EMP1: variants seen among roughly 807,000 people sequenced by gnomAD.
The protein encoded by EMP1 is tumor-associated membrane protein.
In EMP1, 5 loss-of-function variants were observed where a neutral mutation model predicts 15.7. That is an observed-to-expected ratio of 0.32 (90% confidence interval 0.17 to 0.67). The LOEUF is 0.67. Among genes scored for constraint, EMP1 ranks in the 30% least tolerant of loss-of-function variants. EMP1 has a pLI of 0.74. For synonymous variants in EMP1, 78 were observed against 76.7 expected (o/e 1.02, Z -0.09); for missense variants, 166 against 194.2 (o/e 0.85, Z 0.86).
At chr12:13,205,063 CG>C (rs1864099681) in intron 1 of EMP1, among the ~76,000 whole-genome samples, 1 of 152,082 alleles carries the variant, frequency 6.6e-6, no homozygotes, top group African/African-American at 2.4e-5. Flanking sequence ...TCTTTCTAAT[CG>C]GGGAAGGGAT....
At chr12:13,207,500 A>G (rs1864121215) in intron 1 of EMP1, among the ~76,000 whole-genome samples, 2 of 152,224 alleles carry the variant, frequency 1.3e-5, no homozygotes, top group South Asian at 2.1e-4. Context: ...AAGGAGGAAC[A>G]GTGATCAGAA....
In EMP1 at chr12:13,215,567, C is replaced by A. The variant is rs926280318; in HGVS notation, c.*876C>A. ...AGGGTTATGTTTTTAGGATTCCCCTCAATGCAGTCAGTGTTTCTTTTAAGT... is the reference window on the plus strand; with the variant it reads ...AGGGTTATGTTTTTAGGATTCCCCTAAATGCAGTCAGTGTTTCTTTTAAGT... On this transcript the variant is annotated 3_prime_UTR_variant, in exon 5 of 5. Coordinates refer to ENST00000256951, the MANE Select transcript of EMP1 (RefSeq NM_001423.3). 6.6e-6 allele frequency: 1 copy of A among 152,246 alleles called. No homozygotes were observed. The highest frequency in any genetic ancestry group is 2.4e-5 in the African/African-American group (1 of 41,456). 9.4% of individuals were successfully genotyped at this position (152,246 alleles called of 1,614,324 possible).
chr12:13,205,916 A>C (rs1473080713), intron 1 of EMP1, among the ~76,000 whole-genome samples: 2 of 152,166 alleles, frequency 1.3e-5, no homozygotes, highest in African/African-American at 4.8e-5. Flanking sequence ...AGGTGCGTGG[A>C]GCCTCTTTCC....
chr12:13,205,640 G>A (rs1052876493), intron 1 of EMP1, among the ~76,000 whole-genome samples: 3 of 152,038 alleles, frequency 2.0e-5, no homozygotes, highest in African/African-American at 7.2e-5. Flanking sequence ...TATTTATTTG[G>A]TACCTGTCAC....
At chr12:13,197,738 A>G (rs1027896630) in intron 1 of EMP1, among the ~76,000 whole-genome samples, 2 of 152,038 alleles carry the variant, frequency 1.3e-5, no homozygotes, top group Non-Finnish European at 2.9e-5. Context: ...TTGCGCCACT[A>G]CACTCCAGCC....
At chr12:13,203,597 C>T (rs562843830) in intron 1 of EMP1, among the ~76,000 whole-genome samples, 5 of 152,370 alleles carry the variant, frequency 3.3e-5, no homozygotes, top group East Asian at 3.9e-4. Context: ...TTCCCCGGCC[C>T]GAGCCTCTCA....
Position 13,210,585 on chromosome 12 carries a change from A to G in EMP1, c.-42-884A>G, listed in dbSNP as rs74063272. ...AATCCTCCCACCCTGTGATTTATGC[A>G]TTTGCCTGTCTTCTGTATTGAGTCC... On this transcript the variant is annotated intron_variant, in intron 1 of 4. Coordinates refer to ENST00000256951, the MANE Select transcript of EMP1 (RefSeq NM_001423.3). 5.6e-4 allele frequency among the ~76,000 whole-genome samples: 85 copies of G among 152,292 alleles called. 1 individual carries two copies. Among genetic ancestry groups the G allele is most frequent in the African/African-American group, 1.9e-3 (77 of 41,554 alleles).
chr12:13,211,166 AAC>A lies in EMP1; in HGVS notation c.-42-301_-42-300del, dbSNP rs1398982980. Among the ~76,000 whole-genome samples the A allele has an allele frequency of 1.3e-5, 2 of 152,370 alleles. No individual in the cohort carries two copies. Among genetic ancestry groups the A allele is most frequent in the African/African-American group, 4.8e-5 (2 of 41,594 alleles). ...TAAAACACAAACAAAATAAAATACGAACAGTTATCATAAAATGTTCTTGTTCC... is the reference window on the plus strand; with the variant it reads ...TAAAACACAAACAAAATAAAATACGAAGTTATCATAAAATGTTCTTGTTCC... On this transcript the variant is annotated intron_variant, in intron 1 of 4. Transcript: ENST00000256951. This position sits in a 1 kb window ranked among gnomAD's most constrained non-coding sequence, Gnocchi z 4.7.
rs1401375098 is a variant in EMP1, at chr12:13,219,486, C to T, written c.*4795C>T. 1.3e-5 allele frequency: 2 copies of T among 152,224 alleles called. No individual in the cohort carries two copies. The highest frequency in any genetic ancestry group is 2.9e-5 in the Non-Finnish European group (2 of 68,036). The allele number at this position is 152,224 out of a possible 1,614,324, so 9.4% of individuals were successfully genotyped here. On this transcript the variant is annotated 3_prime_UTR_variant, in exon 5 of 5. Coordinates refer to ENST00000256951, the MANE Select transcript of EMP1 (RefSeq NM_001423.3). ...CCTCCAAACTCTTCCAACCTCTACCCGTTACCCAGTTCCAAAGGTGCTTCC... is the reference window on the plus strand; with the variant it reads ...CCTCCAAACTCTTCCAACCTCTACCTGTTACCCAGTTCCAAAGGTGCTTCC...
At chr12:13,212,321 A>G (rs1448735931) in intron 2 of EMP1, among the ~76,000 whole-genome samples, 1 of 152,166 alleles carries the variant, frequency 6.6e-6, no homozygotes, top group African/African-American at 2.4e-5. Flanking sequence ...TTCTCAGAAA[A>G]AAGCCAGCTC....
At chr12:13,207,903 G>A (rs557567138) in intron 1 of EMP1, among the ~76,000 whole-genome samples, 84 of 152,318 alleles carry the variant, frequency 5.5e-4, no homozygotes, top group African/African-American at 1.9e-3. Context: ...TGTTATGAGC[G>A]TTCCCCTACA....
rs1025187474 is a variant in EMP1 at position 13,219,515 on chromosome 12, C to T, written c.*4824C>T. 3 of 152,258 alleles carry T rather than the reference C, an allele frequency of 2.0e-5. No individual in the cohort carries two copies. The highest frequency in any genetic ancestry group is 6.5e-5 in the Admixed American group (1 of 15,284). 9.4% of individuals were successfully genotyped at this position (152,258 alleles called of 1,614,324 possible). On this transcript the variant is annotated 3_prime_UTR_variant, in exon 5 of 5. Coordinates refer to ENST00000256951, the MANE Select transcript of EMP1 (RefSeq NM_001423.3). Reference sequence around the variant, plus strand: ...ACCCAGTTCCAAAGGTGCTTCCACACTTTCAAGTATCTTTATAGCAATGCC... The same window carrying T: ...ACCCAGTTCCAAAGGTGCTTCCACATTTTCAAGTATCTTTATAGCAATGCC...
rs901091388 is a variant in EMP1 at position 13,216,249 on chromosome 12, G to T, written c.*1558G>T. On this transcript the variant is annotated 3_prime_UTR_variant, in exon 5 of 5. Transcript: ENST00000256951. ...ACATCTTGCCTACTTTTCTTTATTA[G>T]CTTTCTCCTCATCCATTTCTTTTAT... is the stretch of plus-strand genomic sequence containing the variant. 20 of 618,550 alleles carry T rather than the reference G, an allele frequency of 3.2e-5. No homozygotes were observed. The highest frequency in any genetic ancestry group is 1.1e-4 in the African/African-American group (6 of 54,100). 38.3% of individuals were successfully genotyped at this position (618,550 alleles called of 1,614,324 possible). A position where few individuals can be genotyped will look rare whatever the true frequency, so the allele number is the denominator to read the frequency against.
chr12:13,204,323 C>A (rs1351771038), intron 1 of EMP1, among the ~76,000 whole-genome samples: 2 of 152,084 alleles, frequency 1.3e-5, no homozygotes, highest in Non-Finnish European at 2.9e-5. Flanking sequence ...TATAAAACAA[C>A]AATAACAGTG....
rs767762153 is a variant in EMP1 at position 13,214,665 on chromosome 12, C to A, written c.448C>A (p.Leu150Ile). Residue 150 changes from leucine (L) to isoleucine (I), a missense_variant, in exon 5 of 5, where the codon CTC becomes ATC. Physicochemically the swap from Leu to Ile is conservative, Grantham distance 5. Coordinates refer to ENST00000256951, the MANE Select transcript of EMP1 (RefSeq NM_001423.3). ...CFCFSFIIGV[L>I]YLVLRKK ...CTGCTTCAGCTTCATCATCGGCGTT[C>A]TCTATCTGGTCCTGAGAAAGAAATA... is the stretch of plus-strand genomic sequence containing the variant. 6.2e-7 allele frequency: 1 copy of A among 1,613,442 alleles called. No homozygotes were observed. The highest frequency in any genetic ancestry group is 2.2e-5 in the East Asian group (1 of 44,840).
intron 1 of EMP1, among the ~76,000 whole-genome samples, chr12:13,202,332 C>T (rs140359758): frequency 3.1e-4 from 47 of 152,318 alleles, no homozygotes; most frequent in Admixed American, 5.2e-4. Flanking sequence ...ATGTGCCCAC[C>T]AGGCTGGAAC....
chr12:13,199,359 C>G (rs529017187), intron 1 of EMP1: 44 of 152,404 alleles, frequency 2.9e-4, no homozygotes, highest in African/African-American at 1.0e-3. Flanking sequence ...ACCCTCTTGG[C>G]TTGCTCTGGG....
chr12:13,199,960 TCTTC>T (rs369147480), intron 1 of EMP1, among the ~76,000 whole-genome samples: 9,277 of 143,136 alleles, frequency 0.065, 383 homozygotes, highest in East Asian at 0.21. Flanking sequence ...TTCTTCTTCT[TCTTC>T]TTTTTTTTTT....
intron 1 of EMP1, among the ~76,000 whole-genome samples, chr12:13,206,097 A>C (rs905625517): frequency 2.0e-5 from 3 of 152,174 alleles, no homozygotes; most frequent in African/African-American, 7.2e-5. Context: ...ACTGGACAGT[A>C]GCAATGGGAA....
Sources: gnomAD v4.1 joint callset for allele counts (sites outside exome capture counted in the v4.1 genomes callset) on GRCh38, gnomAD v4.1.1 for gene constraint, Gnocchi (gnomAD v3.1) non-coding constraint, MANE v1.5 for transcripts, NCBI Gene and HGNC (gene_info 2026-07-23, HGNC 2026-07-21) for gene names.